The following COLEC10 variants were observed in gnomAD, a reference collection of about 807,000 sequenced individuals.
COLEC10 encodes collectin subfamily member 10.
Under a neutral mutation model 28.4 loss-of-function variants are expected in COLEC10, and 22 were observed. The ratio of observed to expected loss-of-function variants is 0.78; its 90% CI spans 0.55 to 1.11. The LOEUF is 1.11. Among genes scored for constraint, COLEC10 ranks in the 50% least tolerant of loss-of-function variants. The pLI is 0.00. For synonymous variants in COLEC10, 125 were observed against 116.1 expected, an observed-to-expected ratio of 1.08 and a Z score of -0.49; for missense variants, 361 against 344.1, an observed-to-expected ratio of 1.05 and a Z score of -0.39.
chr8:118,990,291 A>T, the COLEC10 span, among the ~76,000 whole-genome samples: 2 of 152,170 alleles, frequency 1.3e-5, no homozygotes, highest in Admixed American at 1.3e-4. Context: ...AAAAGCTGAG[A>T]AGAATATACC....
chr8:118,978,959 C>T, the COLEC10 span, among the ~76,000 whole-genome samples: 10,286 of 151,922 alleles, frequency 0.068, 610 homozygotes, highest in East Asian at 0.16. Flanking sequence ...ACCAGTTTGT[C>T]GCTTATCTTC....
At chr8:119,074,327 A>G (rs1008064632) in intron 1 of COLEC10, among the ~76,000 whole-genome samples, 3 of 152,182 alleles carry the variant, frequency 2.0e-5, no homozygotes, top group African/African-American at 7.2e-5. Flanking sequence ...ATGCTTGAGT[A>G]TACCCAGTTT....
At chr8:119,068,706 A>G (rs1032681910) in intron 1 of COLEC10, 4 of 152,242 alleles carry the variant, frequency 2.6e-5, no homozygotes, top group East Asian at 1.9e-4. Context: ...CAAACAGTGG[A>G]AATCTCATTA....
intron 1 of COLEC10, among the ~76,000 whole-genome samples, chr8:119,077,217 AT>A (rs1815256672): frequency 7.1e-6 from 1 of 141,324 alleles, no homozygotes; most frequent in Non-Finnish European, 1.5e-5. Context: ...TGAGCTCGAA[AT>A]TTTGATTAGC....
chr8:119,075,633 C>T (rs867904888), intron 1 of COLEC10, among the ~76,000 whole-genome samples: 2 of 152,094 alleles, frequency 1.3e-5, no homozygotes, highest in East Asian at 1.9e-4. Context: ...AAAGGTTAAT[C>T]CATTATTCTA....
At chr8:119,088,321 G>A (rs1256023630) in intron 1 of COLEC10, among the ~76,000 whole-genome samples, 1 of 152,108 alleles carries the variant, frequency 6.6e-6, no homozygotes, top group Non-Finnish European at 1.5e-5. Context: ...GATATCACCT[G>A]TGCATTCTTT....
Position 119,108,433 on chromosome 8 carries a change from TATA to T in COLEC10, c.*2249_*2251del. Among the ~76,000 whole-genome samples, 1 of 152,318 alleles carries T rather than the reference TATA, an allele frequency of 6.6e-6. No individual in the cohort carries two copies. The highest frequency in any genetic ancestry group is 1.5e-5 in the Non-Finnish European group (1 of 68,038). On this transcript the variant is annotated 3_prime_UTR_variant, in exon 6 of 6. Coordinates refer to ENST00000332843, the MANE Select transcript of COLEC10 (RefSeq NM_006438.5). ...TGCTATTATTATTTACTGTGAATGT[TATA>T]ATAATAGTTCTCTCAATGACTCATG...
At chr8:118,963,726 A>G in the COLEC10 span, among the ~76,000 whole-genome samples, 1 of 152,150 alleles carries the variant, frequency 6.6e-6, no homozygotes, top group African/African-American at 2.4e-5. Context: ...TTTATGTTAT[A>G]TTGCTTTTTT....
At position 119,093,950 on chromosome 8, in the gene COLEC10, T is replaced by C. The variant is rs571303782; in HGVS notation, c.292+2730T>C. 6.6e-5 allele frequency among the ~76,000 whole-genome samples: 10 copies of C among 152,322 alleles called. No homozygotes were observed. In the East Asian group the frequency reaches 1.9e-3, roughly 29 times the overall value. On this transcript the variant is annotated intron_variant, in intron 3 of 5. Coordinates refer to ENST00000332843, the MANE Select transcript of COLEC10 (RefSeq NM_006438.5). ...GGCAGTTTTGGAGTGGATACAAGAA[T>C]CTTGGGAGCTAGCTAAGAGGAGCTT...
rs541008182 is a variant in COLEC10, at chr8:119,061,389, C to G, written n.236-28291C>G. Among the ~76,000 whole-genome samples, 9 of 149,740 alleles carry G rather than the reference C, an allele frequency of 6.0e-5. No homozygotes were observed. In the South Asian group the frequency reaches 1.9e-3, roughly 32 times the overall value. On this transcript the variant is annotated intron_variant and non_coding_transcript_variant, in intron 2 of 6. Coordinates refer to the COLEC10 transcript ENST00000521788. ...CTACAGTTAGCCAATACAGTAAATG[C>G]TAAAAGGTCCACATTAAGGCCATAT...
chr8:118,979,977 C>T, the COLEC10 span, among the ~76,000 whole-genome samples: 3 of 152,040 alleles, frequency 2.0e-5, no homozygotes, highest in Non-Finnish European at 4.4e-5. Flanking sequence ...CTGCTCAGAA[C>T]TTGGCAGCTT....
chr8:119,091,554 C>T (rs968513379), intron 3 of COLEC10, among the ~76,000 whole-genome samples: 1 of 130,818 alleles, frequency 7.6e-6, no homozygotes, highest in African/African-American at 2.9e-5. Context: ...GACCCTGTCT[C>T]GAAAGAAAGA....
chr8:119,029,460 G>A (rs528182835), intron 2 of COLEC10, among the ~76,000 whole-genome samples: 16 of 152,212 alleles, frequency 1.1e-4, no homozygotes, highest in Admixed American at 3.3e-4. Context: ...AGTCAGGACC[G>A]TAGGTATTAT....
intron 2 of COLEC10, among the ~76,000 whole-genome samples, chr8:119,014,833 C>T (rs1326598994): frequency 6.6e-6 from 1 of 150,648 alleles, no homozygotes; most frequent in East Asian, 1.9e-4. Flanking sequence ...GATTTTTTTC[C>T]CTCTACTGTG....
chr8:119,027,942 C>T (rs10086835), intron 2 of COLEC10, among the ~76,000 whole-genome samples: 95,426 of 152,048 alleles, frequency 0.63, 30,982 homozygotes, highest in African/African-American at 0.79. Context: ...ACTCAGTTCA[C>T]ATTAGTGTAG....
At chr8:119,065,694 T>A (rs1393905516), upstream of COLEC10, among the ~76,000 whole-genome samples, 3 of 151,356 alleles carry the variant, frequency 2.0e-5, no homozygotes, top group Non-Finnish European at 4.4e-5. Context: ...CCAACCATAC[T>A]AAAAATACAA....
the COLEC10 span, among the ~76,000 whole-genome samples, chr8:118,978,455 G>T: frequency 6.6e-6 from 1 of 152,096 alleles, no homozygotes; most frequent in African/African-American, 2.4e-5. Flanking sequence ...ACCATCTGGG[G>T]AGTCACAGTT....
At chr8:118,971,513 T>C in the COLEC10 span, among the ~76,000 whole-genome samples, 2 of 151,944 alleles carry the variant, frequency 1.3e-5, no homozygotes, top group Admixed American at 6.6e-5. Flanking sequence ...AGTGATAAAA[T>C]AGGTAGCTCC....
At chr8:119,029,499 G>GAC (rs60749575) in intron 2 of COLEC10, among the ~76,000 whole-genome samples, 10 of 151,792 alleles carry the variant, frequency 6.6e-5, no homozygotes, top group East Asian at 1.9e-4. Context: ...ATTATATACA[G>GAC]ACACACACAC....
Sources: allele counts gnomAD v4.1 joint callset (sites outside exome capture counted in the v4.1 genomes callset), GRCh38; gene constraint gnomAD v4.1.1; transcripts MANE v1.5; gene names NCBI Gene and HGNC (gene_info 2026-07-23, HGNC 2026-07-21).